The following FLT1 variants were observed in gnomAD, a reference collection of about 807,000 sequenced individuals.
The protein encoded by FLT1 is fms related receptor tyrosine kinase 1.
A neutral mutation model predicts 156.3 loss-of-function variants in FLT1; 49 were observed. The observed-to-expected ratio is 0.31, with a 90% CI of 0.25 to 0.40. FLT1 has a LOEUF of 0.40. FLT1 is among the 10% of genes least tolerant of loss of function. The pLI is 1.00. For missense variants in FLT1, 1,322 were observed against 1,637.2 expected (o/e 0.81, Z 3.32); for synonymous variants, 594 against 583.8 (o/e 1.02, Z -0.25).
At chr13:28,372,019 G>GGTGTGTGTGTGTGT (rs142534765) in intron 14 of FLT1, among the ~76,000 whole-genome samples, 1 of 24,728 alleles carries the variant, frequency 4.0e-5, no homozygotes, top group African/African-American at 1.3e-4. Flanking sequence ...ATAAATCATT[G>GGTGTGTGTGTGTGT]GTGTGTGTGT....
intron 14 of FLT1, among the ~76,000 whole-genome samples, chr13:28,361,273 C>T (rs1182967571): frequency 2.0e-5 from 3 of 151,294 alleles, no homozygotes; most frequent in Non-Finnish European, 2.9e-5. Flanking sequence ...AGCAAGACTC[C>T]ATCTCAAAAA....
intron 25 of FLT1, among the ~76,000 whole-genome samples, chr13:28,312,931 C>T (rs949691298): frequency 4.0e-5 from 6 of 151,826 alleles, no homozygotes; most frequent in East Asian, 1.9e-4. Flanking sequence ...CAACAGACTC[C>T]TCTGTGATTC....
intron 16 of FLT1, among the ~76,000 whole-genome samples, chr13:28,342,559 A>G (rs907242394): frequency 6.6e-6 from 1 of 152,170 alleles, no homozygotes; most frequent in Admixed American, 6.5e-5. Context: ...AACATTTACC[A>G]TAGAGGATGG....
intron 1 of FLT1, among the ~76,000 whole-genome samples, chr13:28,471,109 C>T (rs1880153273): frequency 6.6e-6 from 1 of 150,656 alleles, no homozygotes; most frequent in South Asian, 2.1e-4. Context: ...AAGACACTGA[C>T]AAAAATGGGG....
In FLT1 at chr13:28,388,617, T is replaced by C. The variant is rs899382953; in HGVS notation, c.1969+1179A>G. On this transcript the variant is annotated intron_variant, in intron 13 of 29. Transcript: ENST00000282397. ...CTTGATTTAAAACTGGTGTGTATTT[T>C]TTAAATTACTTTGAATTCTGCTTCT... The C allele has an allele frequency of 2.7e-5, 28 of 1,056,272 alleles. No homozygotes were observed. The Admixed American group carries it at 4.3e-4, about 16-fold the overall frequency. The allele number at this position is 1,056,272 out of a possible 1,614,324, so 65.4% of individuals were successfully genotyped here.
intron 18 of FLT1, among the ~76,000 whole-genome samples, chr13:28,330,562 C>T (rs759301224): frequency 6.9e-6 from 1 of 145,486 alleles, no homozygotes; most frequent in Non-Finnish European, 1.5e-5. Context: ...TTTTTCTATG[C>T]ATTTATAAAT....
intron 1 of FLT1, among the ~76,000 whole-genome samples, chr13:28,484,539 A>G (rs940074698): frequency 6.6e-6 from 1 of 152,196 alleles, no homozygotes; most frequent in African/African-American, 2.4e-5. Flanking sequence ...GAAAACTCAC[A>G]TGATTAAAAT....
intron 1 of FLT1, among the ~76,000 whole-genome samples, chr13:28,491,826 G>A (rs1881485326): frequency 1.3e-5 from 2 of 152,248 alleles, no homozygotes; most frequent in East Asian, 1.9e-4. Flanking sequence ...CTATACTAAC[G>A]TCTTCATTTT....
At chr13:28,344,855 A>G (rs1319215201) in intron 16 of FLT1, among the ~76,000 whole-genome samples, 2 of 123,046 alleles carry the variant, frequency 1.6e-5, no homozygotes, top group Non-Finnish European at 3.2e-5. Flanking sequence ...GCTCAGGCTG[A>G]AGTGCAGTGG....
chr13:28,448,380 G>T (rs992709542), intron 3 of FLT1, among the ~76,000 whole-genome samples: 3 of 152,204 alleles, frequency 2.0e-5, no homozygotes, highest in African/African-American at 7.2e-5. Context: ...TTGATTGATG[G>T]ATAGCTAAAA....
intron 14 of FLT1, among the ~76,000 whole-genome samples, chr13:28,372,071 TATA>T (rs1873617320): frequency 1.0e-4 from 3 of 28,714 alleles, no homozygotes; most frequent in East Asian, 1.5e-3. Context: ...TATATATATA[TATA>T]TATTTTTTTT....
intron 14 of FLT1, among the ~76,000 whole-genome samples, chr13:28,362,362 A>G (rs1249170213): frequency 6.6e-6 from 1 of 152,236 alleles, no homozygotes; most frequent in Non-Finnish European, 1.5e-5. Flanking sequence ...AAGATATAGT[A>G]CAAGTGGCAA....
At position 28,349,346 on chromosome 13, in the gene FLT1, G is replaced by A. The variant is rs56138102; in HGVS notation, c.2249-3795C>T. Among the ~76,000 whole-genome samples, 1,269 of 152,002 alleles carry A rather than the reference G, an allele frequency of 8.3e-3. 3 individuals carry two copies. Among genetic ancestry groups the A allele is most frequent in the African/African-American group, 0.011 (468 of 41,436 alleles). ...TTCTCTCACTACACATCCTCACAAT[G>A]GGAAGATTGTAAGCTCAAGTTCATA... On this transcript the variant is annotated intron_variant, in intron 15 of 29. Coordinates refer to ENST00000282397, the MANE Select transcript of FLT1 (RefSeq NM_002019.4).
At chr13:28,389,146 TAA>T (rs5802479) in intron 13 of FLT1, 41,612 of 924,506 alleles carry the variant, frequency 0.045, 120 homozygotes, top group African/African-American at 0.1. Context: ...GTGCTTAACG[TAA>T]AAAAAAAAAA....
At chr13:28,407,182 C>T (rs1012182777) in intron 10 of FLT1, among the ~76,000 whole-genome samples, 4 of 152,162 alleles carry the variant, frequency 2.6e-5, no homozygotes, top group African/African-American at 4.8e-5. Context: ...GCCCCATAAA[C>T]ATTTGCACAC....
intron 1 of FLT1, among the ~76,000 whole-genome samples, chr13:28,485,248 G>C (rs1881086160): frequency 6.6e-6 from 1 of 152,002 alleles, no homozygotes; most frequent in Non-Finnish European, 1.5e-5. Flanking sequence ...GGCACCTCCA[G>C]AAAAAGGTGC....
chr13:28,306,689 C>G lies in FLT1; in HGVS notation c.3804G>C (p.Ser1268=). 3 of 1,611,624 alleles carry G rather than the reference C, an allele frequency of 1.9e-6. No homozygotes were observed. Among genetic ancestry groups the G allele is most frequent in the Non-Finnish European group, 2.5e-6 (3 of 1,177,742 alleles). The change falls in exon 29 of 30, where the codon TCG becomes TCC. Residue 1268 remains serine (S), a synonymous_variant. Coordinates refer to ENST00000282397, the MANE Select transcript of FLT1 (RefSeq NM_002019.4). ...FTWTDSKPKA[S]LKIDLRVTSK... ...TACCCAATTCTTACTCAATCTTGAG[C>G]GAGGCCTTGGGTTTGCTGTCAGTCC...
intron 14 of FLT1, among the ~76,000 whole-genome samples, chr13:28,380,854 A>G (rs1443507419): frequency 1.3e-5 from 2 of 152,190 alleles, no homozygotes; most frequent in East Asian, 3.8e-4. Context: ...ACTATGGGCC[A>G]GCTTACGTTA....
At chr13:28,482,628 G>A (rs986944312) in intron 1 of FLT1, among the ~76,000 whole-genome samples, 6 of 152,146 alleles carry the variant, frequency 3.9e-5, no homozygotes, top group African/African-American at 1.4e-4. Context: ...ACTCCAGCAA[G>A]GCAATTCCAT....
Sources: allele counts gnomAD v4.1 joint callset (sites outside exome capture counted in the v4.1 genomes callset), GRCh38; gene constraint gnomAD v4.1.1; transcripts MANE v1.5; gene names NCBI Gene and HGNC (gene_info 2026-07-23, HGNC 2026-07-21).